The following C1orf87 variants were observed in gnomAD, a reference collection of about 807,000 sequenced individuals.
C1orf87 encodes the protein chromosome 1 open reading frame 87, also known as uncharacterized protein C1orf87.
A neutral mutation model predicts 60.5 loss-of-function variants in C1orf87; 58 were observed. The observed-to-expected ratio is 0.96, with a 90% CI of 0.78 to 1.19. C1orf87 has a LOEUF of 1.19. C1orf87 is among the 50% of genes most tolerant of loss of function. The pLI, the probability that C1orf87 is intolerant of heterozygous loss-of-function variation, is 0.00. For missense variants in C1orf87, 673 were observed against 638.6 expected, an observed-to-expected ratio of 1.05 and a Z score of -0.58; for synonymous variants, 236 against 227.4, an observed-to-expected ratio of 1.04 and a Z score of -0.34.
At chr1:60,027,505 C>T (rs1269745603) in intron 7 of C1orf87, among the ~76,000 whole-genome samples, 1 of 152,234 alleles carries the variant, frequency 6.6e-6, no homozygotes. Context: ...CTCCTCTTAG[C>T]AACCATGAGA....
At chr1:60,058,223 C>T (rs185419208) in intron 2 of C1orf87, among the ~76,000 whole-genome samples, 84 of 152,098 alleles carry the variant, frequency 5.5e-4, no homozygotes, top group Middle Eastern at 3.4e-3. Flanking sequence ...GATGTATAGC[C>T]CAGAAGAAAG....
intron 9 of C1orf87, among the ~76,000 whole-genome samples, chr1:60,002,801 C>T (rs1219289419): frequency 6.6e-6 from 1 of 151,318 alleles, no homozygotes; most frequent in Admixed American, 6.6e-5. Flanking sequence ...GAATGGCAAT[C>T]ATTAAAAAGT....
chr1:60,020,417 A>G (rs1645155192), intron 8 of C1orf87, among the ~76,000 whole-genome samples: 1 of 152,238 alleles, frequency 6.6e-6, no homozygotes, highest in South Asian at 2.1e-4. Flanking sequence ...CTGTGAAAGC[A>G]GTCAAAGTAG....
Position 59,992,123 on chromosome 1 carries a change from G to T in C1orf87, c.1481-1290C>A, listed in dbSNP as rs79447709. 5.3e-5 allele frequency among the ~76,000 whole-genome samples: 8 copies of T among 152,116 alleles called. No individual in the cohort carries two copies. The East Asian group carries it at 1.2e-3, about 22-fold the overall frequency. Reference sequence around the variant, plus strand: ...CTTACAATAACCCATTTCACAGAGGGCAAAACTAAAGCCTAGAGACTGCAA... The same window carrying T: ...CTTACAATAACCCATTTCACAGAGGTCAAAACTAAAGCCTAGAGACTGCAA... On this transcript the variant is annotated intron_variant, in intron 11 of 11. Transcript: ENST00000371201.
At chr1:60,049,582 T>C (rs1404385417) in intron 3 of C1orf87, among the ~76,000 whole-genome samples, 1 of 152,110 alleles carries the variant, frequency 6.6e-6, no homozygotes, top group Non-Finnish European at 1.5e-5. Context: ...CTGGCCCTTA[T>C]GGTGAAAATA....
intron 2 of C1orf87, among the ~76,000 whole-genome samples, chr1:60,060,955 T>G (rs1170192214): frequency 6.6e-6 from 1 of 152,166 alleles, no homozygotes; most frequent in Non-Finnish European, 1.5e-5. Context: ...GTTTCGCTTT[T>G]GCAAGTCTAA....
At chr1:60,057,822 G>T (rs1172478595) in intron 2 of C1orf87, among the ~76,000 whole-genome samples, 1 of 152,188 alleles carries the variant, frequency 6.6e-6, no homozygotes, top group Non-Finnish European at 1.5e-5. Context: ...TGGAAGAGGG[G>T]TGATCAGAAA....
intron 9 of C1orf87, among the ~76,000 whole-genome samples, chr1:60,003,724 C>T (rs1049642539): frequency 6.6e-6 from 1 of 152,030 alleles, no homozygotes; most frequent in African/African-American, 2.4e-5. Flanking sequence ...CAGCACCCCT[C>T]ATTAGAATTA....
At chr1:60,025,288 A>G (rs1645191238) in intron 8 of C1orf87, 113 bp downstream of exon 8, 1 of 769,930 alleles carries the variant, frequency 1.3e-6, no homozygotes, top group Non-Finnish European at 2.1e-6. Flanking sequence ...AAACCTAATC[A>G]CCTCCCAAAC....
intron 2 of C1orf87, among the ~76,000 whole-genome samples, chr1:60,068,199 CTCTG>C (rs1482033952): frequency 2.0e-5 from 3 of 152,086 alleles, no homozygotes; most frequent in Non-Finnish European, 2.9e-5. Context: ...CTCCACATCT[CTCTG>C]TCTGAATACC....
intron 9 of C1orf87, among the ~76,000 whole-genome samples, chr1:60,003,827 A>T (rs1222366962): frequency 5.9e-5 from 9 of 152,066 alleles, no homozygotes; most frequent in Non-Finnish European, 1.5e-5. Flanking sequence ...CCATTTTTCC[A>T]AATTCTTTTC....
Position 60,073,729 on chromosome 1 carries a change from G to GCGGTC in C1orf87, c.-72_-68dup, listed in dbSNP as rs1016119922. On this transcript the variant is annotated 5_prime_UTR_variant, in exon 1 of 12. Transcript: ENST00000371201. Reference sequence around the variant, plus strand: ...CCCCACCCTGGCAGCTCAGAGGTGCGCGGTCCGTGCTTCTCCCCAGGAAGC... The same window carrying GCGGTC: ...CCCCACCCTGGCAGCTCAGAGGTGCGCGGTCCGGTCCGTGCTTCTCCCCAGGAAGC... 6 of 152,370 alleles carry GCGGTC rather than the reference G, an allele frequency of 3.9e-5. No homozygotes were observed. The highest frequency in any genetic ancestry group is 8.8e-5 in the Non-Finnish European group (6 of 68,152). The allele number at this position is 152,370 out of a possible 1,614,324, so 9.4% of individuals were successfully genotyped here.
chr1:60,020,466 C>A (rs1645155561), intron 8 of C1orf87, among the ~76,000 whole-genome samples: 1 of 152,188 alleles, frequency 6.6e-6, no homozygotes, highest in Non-Finnish European at 1.5e-5. Flanking sequence ...GCTGCCCAAA[C>A]CCTTAGGAGC....
intron 9 of C1orf87, among the ~76,000 whole-genome samples, chr1:60,006,133 G>T (rs1429879133): frequency 6.6e-6 from 1 of 152,018 alleles, no homozygotes; most frequent in African/African-American, 2.4e-5. Flanking sequence ...GTGAGGATGT[G>T]ATGGCCATAG....
At chr1:60,040,868 C>T (rs903227100) in intron 4 of C1orf87, 123 bp downstream of exon 4, 2 of 1,024,058 alleles carry the variant, frequency 2.0e-6, no homozygotes. Flanking sequence ...GCTGGCATTA[C>T]AGGTGTAAGC....
At chr1:60,008,708 G>A (rs1257321485) in intron 9 of C1orf87, 1 of 456,228 alleles carries the variant, frequency 2.2e-6, no homozygotes, top group Non-Finnish European at 4.4e-6. Context: ...AGCCACGTGT[G>A]AAACCTCAGG....
intron 3 of C1orf87, among the ~76,000 whole-genome samples, chr1:60,051,247 A>T (rs1378392598): frequency 6.6e-6 from 1 of 152,128 alleles, no homozygotes; most frequent in African/African-American, 2.4e-5. Context: ...TTAACAAGGG[A>T]ATTTAAGTGT....
At chr1:60,012,123 C>T (rs1645089664) in intron 8 of C1orf87, among the ~76,000 whole-genome samples, 1 of 151,616 alleles carries the variant, frequency 6.6e-6, no homozygotes, top group African/African-American at 2.4e-5. Context: ...AATTTCTTTC[C>T]AGACTATTTT....
In C1orf87 at chr1:60,020,882, C is replaced by T. The variant is rs186604373; in HGVS notation, c.1127+4519G>A. 2.4e-3 allele frequency among the ~76,000 whole-genome samples: 365 copies of T among 152,154 alleles called. 1 individual carries two copies. The highest frequency in any genetic ancestry group is 6.8e-3 in the Middle Eastern group (2 of 294). ...GAATGATATTGTTTGGCTCTGTGTTCCCACCCAAATCTCATGTCAAATTGT... is the reference window on the plus strand; with the variant it reads ...GAATGATATTGTTTGGCTCTGTGTTTCCACCCAAATCTCATGTCAAATTGT... On this transcript the variant is annotated intron_variant, in intron 8 of 11. Transcript: ENST00000371201.
Sources: gnomAD v4.1 joint callset for allele counts (sites outside exome capture counted in the v4.1 genomes callset) on GRCh38, gnomAD v4.1.1 for gene constraint, MANE v1.5 for transcripts, NCBI Gene and HGNC (gene_info 2026-07-23, HGNC 2026-07-21) for gene names.